The following CDK18 variants were observed in gnomAD, a reference collection of about 807,000 sequenced individuals.
CDK18 encodes cyclin-dependent kinase 18.
CDK18 carries 52 observed loss-of-function variants against 62.0 expected under a neutral mutation model. That is an observed-to-expected ratio of 0.84 (90% CI 0.67 to 1.06). CDK18 has a LOEUF of 1.06. Ranked by LOEUF, CDK18 falls within the 50% of genes least tolerant of loss-of-function variation. The probability of loss-of-function intolerance (pLI) is 0.00; values close to 1 mark genes in which losing one functional copy is unlikely to be tolerated. For synonymous variants in CDK18, 237 were observed against 247.0 expected (o/e 0.96, Z 0.38); for missense variants, 604 against 619.9 (o/e 0.97, Z 0.27).
Position 205,529,138 on chromosome 1 carries a change from G to A in CDK18, c.1072+42G>A, listed in dbSNP as rs546011961. 3.9e-5 allele frequency: 58 copies of A among 1,503,376 alleles called. No homozygotes were observed. In the South Asian group the frequency reaches 6.9e-4, roughly 18 times the overall value. 93.1% of individuals were successfully genotyped at this position (1,503,376 alleles called of 1,614,324 possible). ...TCCGTCCCTCTCACCACCAGGGGGCGCCGGAACTCCTCCAGCCCAGGCGCG... is the reference window on the plus strand; with the variant it reads ...TCCGTCCCTCTCACCACCAGGGGGCACCGGAACTCCTCCAGCCCAGGCGCG... On this transcript the variant is annotated intron_variant, in intron 11 of 15. Transcript: ENST00000429964.
At chr1:205,518,617 C>T (rs1358811572) in intron 1 of CDK18, among the ~76,000 whole-genome samples, 2 of 152,182 alleles carry the variant, frequency 1.3e-5, no homozygotes, top group Admixed American at 6.5e-5. Flanking sequence ...GAAATTGCTG[C>T]GTGATTCTGG....
intron 1 of CDK18, among the ~76,000 whole-genome samples, chr1:205,513,677 G>T (rs1667676921): frequency 1.3e-5 from 2 of 152,174 alleles, no homozygotes; most frequent in African/African-American, 4.8e-5. Context: ...GCCCTACAAG[G>T]CTCTGAGAAT....
At chr1:205,523,432 C>G (rs1668246439) in intron 2 of CDK18, 51 bp from the exon 3 acceptor site, 1 of 1,598,378 alleles carries the variant, frequency 6.3e-7, no homozygotes, top group Non-Finnish European at 8.5e-7. Context: ...CTACCCTTCT[C>G]TCCCTCAGGA....
chr1:205,524,466 G>A (rs1250273795), intron 4 of CDK18, 109 bp downstream of exon 4: 1 of 1,305,694 alleles, frequency 7.7e-7, no homozygotes, highest in East Asian at 2.3e-5. Context: ...AAGATTCCTG[G>A]GCCTCTGGTG....
chr1:205,509,690 T>C (rs1001352893), intron 1 of CDK18, among the ~76,000 whole-genome samples: 3 of 152,228 alleles, frequency 2.0e-5, no homozygotes, highest in African/African-American at 7.2e-5. Flanking sequence ...TTGGTAGTTC[T>C]CAGTGCCTTT....
chr1:205,515,990 C>A (rs752222070), intron 1 of CDK18, among the ~76,000 whole-genome samples: 39 of 152,186 alleles, frequency 2.6e-4, no homozygotes, highest in Admixed American at 1.1e-3. Flanking sequence ...AGGCCTGCAG[C>A]CTCTCTCATC....
chr1:205,529,408 C>A lies in CDK18; in HGVS notation c.1157C>A (p.Pro386Gln). 1 of 1,614,008 alleles carries A rather than the reference C, an allele frequency of 6.2e-7. No homozygotes were observed. The highest frequency in any genetic ancestry group is 8.5e-7 in the Non-Finnish European group (1 of 1,179,944). Residue 386 changes from proline (P) to glutamine (Q), a missense_variant, in exon 12 of 16, where the codon CCG becomes CAG. By Grantham distance (76) the Pro-to-Gln change is moderately conservative (BLOSUM62 -1). Coordinates refer to ENST00000429964, the MANE Select transcript of CDK18 (RefSeq NM_212502.3). ...TYSFPCYLPQ[P>Q]LINHAPRLDT... ...AGCTTCCCCTGCTACCTCCCGCAGC[C>A]GCTCATCAACCACGCGCCCAGGTAG...
intron 1 of CDK18, among the ~76,000 whole-genome samples, chr1:205,508,199 A>G (rs1667402875): frequency 2.6e-5 from 4 of 152,284 alleles, no homozygotes; most frequent in South Asian, 4.1e-4. Context: ...GTCCCACCAT[A>G]ACCCCTTACG....
intron 1 of CDK18, among the ~76,000 whole-genome samples, chr1:205,513,438 G>C (rs1667663634): frequency 6.6e-6 from 1 of 152,232 alleles, no homozygotes; most frequent in Admixed American, 6.5e-5. Flanking sequence ...CCTCCTCAGA[G>C]AGTGCAGACC....
In CDK18 at chr1:205,531,598, A is replaced by C; in HGVS notation, c.*220A>C. Reference sequence around the variant, plus strand: ...CTGCATACCAACCCCTCCTTTACCCACGTTGGGGCTGGCATAAGCTGCTTC... The same window carrying C: ...CTGCATACCAACCCCTCCTTTACCCCCGTTGGGGCTGGCATAAGCTGCTTC... On this transcript the variant is annotated 3_prime_UTR_variant, in exon 16 of 16. Transcript: ENST00000429964. 3 of 548,648 alleles carry C rather than the reference A, an allele frequency of 5.5e-6. No homozygotes were observed. The highest frequency in any genetic ancestry group is 3.1e-5 in the Admixed American group (1 of 31,958). The allele number at this position is 548,648 out of a possible 1,614,324, so 34.0% of individuals were successfully genotyped here.
chr1:205,527,787 C>A lies in CDK18; in HGVS notation c.730-7C>A. The A allele has an allele frequency of 6.2e-7, 1 of 1,613,646 alleles. No individual in the cohort carries two copies. The highest frequency in any genetic ancestry group is 8.5e-7 in the Non-Finnish European group (1 of 1,179,670). On this transcript the variant is annotated splice_region_variant and splice_polypyrimidine_tract_variant and intron_variant, in intron 8 of 15. Transcript: ENST00000429964. This position sits in a 1 kb window ranked among gnomAD's most constrained non-coding sequence, Gnocchi z 4.1. ...TCCACCCCACATTTCTCTTCCCCCT[C>A]CCCCAGATTTTCATGTTCCAGCTGC... is the stretch of plus-strand genomic sequence containing the variant.
chr1:205,530,434 G>A, intron 14 of CDK18, 85 bp downstream of exon 14: 1 of 1,431,456 alleles, frequency 7.0e-7, no homozygotes, highest in Non-Finnish European at 9.8e-7. Flanking sequence ...AGAACAAAGA[G>A]GCCAGAGGCC....
chr1:205,519,303 AT>A (rs1667994084), intron 1 of CDK18, among the ~76,000 whole-genome samples: 1 of 151,954 alleles, frequency 6.6e-6, no homozygotes, highest in Non-Finnish European at 1.5e-5. Flanking sequence ...ACAACAGACT[AT>A]TCACTGCCCA....
At chr1:205,522,278 A>G (rs527300278) in intron 1 of CDK18, among the ~76,000 whole-genome samples, 1 of 151,848 alleles carries the variant, frequency 6.6e-6, no homozygotes, top group South Asian at 2.1e-4. Context: ...GGGTGGGCAG[A>G]GCAGCTTACC....
chr1:205,529,043 T>A lies in CDK18; in HGVS notation c.1019T>A (p.Leu340His). Reference sequence around the variant, plus strand: ...TACGAGATGGCCACAGGGAGGCCCCTCTTCCCGGGCTCCACAGTCAAGGAG... The same window carrying A: ...TACGAGATGGCCACAGGGAGGCCCCACTTCCCGGGCTCCACAGTCAAGGAG... Reference protein sequence around the residue: ...IHYEMATGRPLFPGSTVKEEL... With the variant: ...IHYEMATGRPHFPGSTVKEEL... The change falls in exon 11 of 16, where the codon CTC becomes CAC. Residue 340 changes from leucine to histidine, a missense_variant. Physicochemically the swap from Leu to His is moderately conservative, Grantham distance 99 (BLOSUM62 -3). Coordinates refer to ENST00000429964, the MANE Select transcript of CDK18 (RefSeq NM_212502.3). The A allele has an allele frequency of 6.3e-7, 1 of 1,597,340 alleles. No individual in the cohort carries two copies. The highest frequency in any genetic ancestry group is 1.1e-5 in the South Asian group (1 of 87,862).
chr1:205,529,690 T>A, intron 13 of CDK18, 127 bp downstream of exon 13: 1 of 1,557,332 alleles, frequency 6.4e-7, no homozygotes, highest in Non-Finnish European at 8.7e-7. Context: ...ATCTCCCCTG[T>A]ACTCTCCACC....
At chr1:205,529,176 G>A (rs1262806233) in intron 11 of CDK18, 80 bp downstream of exon 11, 33 of 1,409,252 alleles carry the variant, frequency 2.3e-5, no homozygotes, top group Non-Finnish European at 3.0e-5. Flanking sequence ...GCGGGACGGG[G>A]AGGAGCGGCT....
intron 1 of CDK18, among the ~76,000 whole-genome samples, chr1:205,507,406 C>T (rs368426192): frequency 1.3e-5 from 2 of 150,508 alleles, no homozygotes; most frequent in African/African-American, 2.5e-5. Flanking sequence ...CCGAGGTGGA[C>T]GGATCACGAG....
At chr1:205,526,858 TC>T (rs1351216590) in intron 8 of CDK18, 21 bp downstream of exon 8, 9 of 1,602,944 alleles carry the variant, frequency 5.6e-6, no homozygotes, top group East Asian at 2.2e-5. Context: ...GGGGGCAGGG[TC>T]CCCCCATCTT....
Sources: gnomAD v4.1 joint callset for allele counts (sites outside exome capture counted in the v4.1 genomes callset) on GRCh38, gnomAD v4.1.1 for gene constraint, Gnocchi (gnomAD v3.1) non-coding constraint, MANE v1.5 for transcripts, NCBI Gene and HGNC (gene_info 2026-07-23, HGNC 2026-07-21) for gene names.